The following OTUD7A variants were observed in gnomAD, a reference collection of about 807,000 sequenced individuals.
OTUD7A encodes OTU domain-containing protein 7A.
OTUD7A carries 12 observed loss-of-function variants against 65.7 expected under a neutral mutation model. The ratio of observed to expected loss-of-function variants is 0.18; its 90% CI spans 0.12 to 0.30. The LOEUF is 0.30. Ranked by LOEUF, OTUD7A falls within the 10% of genes least tolerant of loss-of-function variation. The pLI is 1.00. For missense variants in OTUD7A, 1,148 were observed against 1,304.8 expected, an observed-to-expected ratio of 0.88 and a Z score of 1.85; for synonymous variants, 641 against 586.3, an observed-to-expected ratio of 1.09 and a Z score of -1.35.
chr15:31,660,548 G>A (rs183162225), intron 1 of OTUD7A, among the ~76,000 whole-genome samples: 7 of 152,294 alleles, frequency 4.6e-5, no homozygotes, highest in Admixed American at 2.6e-4. Flanking sequence ...GCTTGGCCAC[G>A]TATATTACTT....
At chr15:31,848,078 C>T (rs189748899) in intron 1 of OTUD7A, among the ~76,000 whole-genome samples, 48 of 152,332 alleles carry the variant, frequency 3.2e-4, no homozygotes, top group Middle Eastern at 3.4e-3. Context: ...CAACCTGCAA[C>T]TTGCCCTTCA....
At chr15:31,646,596 G>A (rs34272384) in intron 3 of OTUD7A, among the ~76,000 whole-genome samples, 4,248 of 151,832 alleles carry the variant, frequency 0.028, 73 homozygotes, top group Admixed American at 0.039. Context: ...GAGTAGCTGG[G>A]ATTACAGGTA....
chr15:31,734,015 A>C lies in OTUD7A; in HGVS notation c.-99-76938T>G, dbSNP rs201275316. ...TAACCCAAAGCTGGAATACACTGTC[A>C]AGCAGAGTTCTAATACTGCATTTCG... On this transcript the variant is annotated intron_variant, in intron 1 of 12. Transcript: ENST00000307050. Among the ~76,000 whole-genome samples, 6 of 152,290 alleles carry C rather than the reference A, an allele frequency of 3.9e-5. No individual in the cohort carries two copies. In the East Asian group the frequency reaches 1.2e-3, roughly 29 times the overall value.
chr15:31,762,629 G>A (rs1894997180), intron 1 of OTUD7A, among the ~76,000 whole-genome samples: 1 of 152,208 alleles, frequency 6.6e-6, no homozygotes, highest in South Asian at 2.1e-4. Context: ...GCCACTGAGT[G>A]GTGCGTAAGC....
rs71424619 is a variant in OTUD7A at position 31,755,060 on chromosome 15, C to CGTGT, written c.-99-97987_-99-97984dup. ...GATTATGTGTGTGTTCCTCTGTGTTCGTGTGTGTGTGTGTGTGTGTGAAAG... is the reference window on the plus strand; with the variant it reads ...GATTATGTGTGTGTTCCTCTGTGTTCGTGTGTGTGTGTGTGTGTGTGTGTGAAAG... On this transcript the variant is annotated intron_variant, in intron 1 of 12. Transcript: ENST00000307050. Among the ~76,000 whole-genome samples the CGTGT allele has an allele frequency of 4.9e-3, 712 of 146,376 alleles. 1 individual carries two copies. Among genetic ancestry groups the CGTGT allele is most frequent in the Non-Finnish European group, 8.0e-3 (531 of 66,294 alleles).
At chr15:31,851,040 G>C (rs1046946193) in intron 1 of OTUD7A, among the ~76,000 whole-genome samples, 9 of 152,152 alleles carry the variant, frequency 5.9e-5, no homozygotes, top group Admixed American at 3.9e-4. Flanking sequence ...ATGCTTTAAA[G>C]GTTGATTCAA....
chr15:31,722,504 T>C (rs1893768059), intron 1 of OTUD7A, among the ~76,000 whole-genome samples: 1 of 152,194 alleles, frequency 6.6e-6, no homozygotes, highest in Non-Finnish European at 1.5e-5. Flanking sequence ...GCACTGCCAG[T>C]TTCAATGCAC....
intron 1 of OTUD7A, among the ~76,000 whole-genome samples, chr15:31,665,190 G>C (rs1191781419): frequency 6.6e-6 from 1 of 152,122 alleles, no homozygotes; most frequent in Non-Finnish European, 1.5e-5. Context: ...TTCTAATTCT[G>C]TGAAGAATGA....
At chr15:31,775,277 A>C (rs1175923590) in intron 1 of OTUD7A, among the ~76,000 whole-genome samples, 1 of 152,210 alleles carries the variant, frequency 6.6e-6, no homozygotes, top group East Asian at 1.9e-4. Flanking sequence ...AACACTGTAG[A>C]TTCATTTAAA....
At chr15:31,720,549 C>T (rs1198319039) in intron 1 of OTUD7A, among the ~76,000 whole-genome samples, 3 of 151,664 alleles carry the variant, frequency 2.0e-5, no homozygotes, top group Non-Finnish European at 2.9e-5. Flanking sequence ...TACAGGCGCC[C>T]GCCACCTCGC....
intron 1 of OTUD7A, among the ~76,000 whole-genome samples, chr15:31,776,730 G>A (rs868462641): frequency 1.6e-4 from 25 of 152,258 alleles, no homozygotes; most frequent in African/African-American, 3.9e-4. Context: ...TGAAGGAACC[G>A]GGGGTCCTTA....
chr15:31,814,683 C>T (rs1896504706), intron 1 of OTUD7A, among the ~76,000 whole-genome samples: 1 of 151,922 alleles, frequency 6.6e-6, no homozygotes, highest in Admixed American at 6.5e-5. Flanking sequence ...ACCACCACAC[C>T]CGGCTAACTT....
chr15:31,489,943 G>A (rs1212139278), intron 10 of OTUD7A, among the ~76,000 whole-genome samples: 1 of 152,244 alleles, frequency 6.6e-6, no homozygotes, highest in African/African-American at 2.4e-5. Context: ...TGGCTGGGGT[G>A]AAGGGCCAGG....
intron 1 of OTUD7A, among the ~76,000 whole-genome samples, chr15:31,791,255 G>C (rs1467430268): frequency 6.6e-6 from 1 of 152,142 alleles, no homozygotes; most frequent in East Asian, 1.9e-4. Context: ...TTGATCTCTT[G>C]ACCTCATGAT....
At position 31,483,813 on chromosome 15, in the gene OTUD7A, G is replaced by A; in HGVS notation, c.2283C>T (p.Ala761=). The A allele has an allele frequency of 1.0e-6, 1 of 1,002,410 alleles. No individual in the cohort carries two copies. The highest frequency in any genetic ancestry group is 1.2e-6 in the Non-Finnish European group (1 of 842,786). The allele number at this position is 1,002,410 out of a possible 1,614,324, so 62.1% of individuals were successfully genotyped here. The change falls in exon 13 of 13, where the codon GCC becomes GCT. Residue 761 remains alanine, a synonymous_variant. Coordinates refer to ENST00000307050, the MANE Select transcript of OTUD7A (RefSeq NM_001382637.1). ...SPGGGARRAS[A]SGPVPGRSPP... is the part of the protein sequence containing the mutation. ...GGCTGCGGCCAGGCACTGGTCCGCT[G>A]GCGCTCGCACGCCGCGCGCCTCCCC...
intron 1 of OTUD7A, among the ~76,000 whole-genome samples, chr15:31,773,307 C>G (rs1267993163): frequency 6.6e-6 from 1 of 152,176 alleles, no homozygotes; most frequent in Admixed American, 6.5e-5. Flanking sequence ...AACAAAAATA[C>G]CATTGAATAT....
intron 1 of OTUD7A, among the ~76,000 whole-genome samples, chr15:31,691,750 G>T (rs1028097600): frequency 9.2e-5 from 13 of 141,032 alleles, no homozygotes; most frequent in African/African-American, 2.8e-4. Context: ...AAAAGCTTCT[G>T]CACAGGAAGC....
intron 1 of OTUD7A, among the ~76,000 whole-genome samples, chr15:31,710,062 C>T (rs1259993934): frequency 2.6e-5 from 4 of 152,060 alleles, no homozygotes; most frequent in African/African-American, 4.8e-5. Context: ...GAAAAGAATA[C>T]GACAAATAGA....
rs183798119 is a variant in OTUD7A at position 31,667,442 on chromosome 15, G to A, written c.-99-10365C>T. 2.0e-5 allele frequency among the ~76,000 whole-genome samples: 3 copies of A among 152,296 alleles called. No individual in the cohort carries two copies. In the East Asian group the frequency reaches 5.8e-4, roughly 29 times the overall value. On this transcript the variant is annotated intron_variant, in intron 1 of 12. Transcript: ENST00000307050. ...GTTTGTTTTGCCTGATATAAGAATA[G>A]CTACTGCTGCTTGCTTTTGGTGTCC... is the stretch of plus-strand genomic sequence containing the variant.
Sources: gnomAD v4.1 joint callset for allele counts (sites outside exome capture counted in the v4.1 genomes callset) on GRCh38, gnomAD v4.1.1 for gene constraint, MANE v1.5 for transcripts, NCBI Gene and HGNC (gene_info 2026-07-23, HGNC 2026-07-21) for gene names.